Variants in FRMD5 observed in about 807,000 individuals in gnomAD.
FRMD5 encodes FERM domain-containing protein 5.
A neutral mutation model predicts 69.0 loss-of-function variants in FRMD5; 20 were observed. The ratio of observed to expected loss-of-function variants is 0.29; its 90% CI spans 0.20 to 0.42. The LOEUF (loss-of-function observed/expected upper bound fraction) is 0.42, where lower values mean the gene tolerates loss of function less well. FRMD5 is among the 10% of genes least tolerant of loss of function. FRMD5 has a pLI of 1.00. For missense variants in FRMD5, 595 were observed against 708.6 expected (o/e 0.84, Z 1.82); for synonymous variants, 271 against 260.1 (o/e 1.04, Z -0.40).
chr15:43,876,369 T>C, intron 13 of FRMD5: 5 of 784,244 alleles, frequency 6.4e-6, no homozygotes, highest in Non-Finnish European at 1.1e-5. Flanking sequence ...AGTCTGCCTG[T>C]TGGGTGGAGG....
chr15:44,125,610 G>A (rs541372747), intron 1 of FRMD5, among the ~76,000 whole-genome samples: 135 of 152,310 alleles, frequency 8.9e-4, no homozygotes, highest in Admixed American at 4.4e-3. Context: ...CATGAGACGG[G>A]TGGCCTGATG....
intron 1 of FRMD5, chr15:43,989,529 C>T: frequency 3.3e-6 from 3 of 900,212 alleles, no homozygotes; most frequent in Non-Finnish European, 5.6e-6. Context: ...TCCAGGGTGA[C>T]ATAGCACAGC....
At chr15:44,036,640 A>G (rs780846822) in intron 1 of FRMD5, among the ~76,000 whole-genome samples, 21 of 152,266 alleles carry the variant, frequency 1.4e-4, no homozygotes, top group Non-Finnish European at 3.1e-4. Context: ...CACTTAGAAC[A>G]AAAATCAAAC....
intron 1 of FRMD5, among the ~76,000 whole-genome samples, chr15:44,178,087 G>A (rs1318022394): frequency 1.3e-5 from 2 of 152,136 alleles, no homozygotes; most frequent in Non-Finnish European, 2.9e-5. Flanking sequence ...ACTTTGGGAG[G>A]CTGAGGCGGG....
At chr15:43,965,945 C>T (rs1362826261) in intron 1 of FRMD5, among the ~76,000 whole-genome samples, 1 of 152,072 alleles carries the variant, frequency 6.6e-6, no homozygotes, top group Non-Finnish European at 1.5e-5. Flanking sequence ...CTAAGTATGG[C>T]TATCAGGAAC....
chr15:43,936,556 T>C (rs534629875), intron 1 of FRMD5, among the ~76,000 whole-genome samples: 2 of 152,112 alleles, frequency 1.3e-5, no homozygotes, highest in Non-Finnish European at 2.9e-5. Flanking sequence ...GAGCTCCTCC[T>C]TCCTGAGTCT....
intron 1 of FRMD5, chr15:43,990,204 T>C (rs1254475919): frequency 2.2e-6 from 1 of 462,570 alleles, no homozygotes; most frequent in African/African-American, 2.0e-5. Flanking sequence ...GCGGCGGGTG[T>C]GGACGGGTGG....
chr15:44,195,668 G>GTGCTGGATCACAGTCCCTGCACC (rs576390004), upstream of FRMD5, among the ~76,000 whole-genome samples: 306 of 152,354 alleles, frequency 2.0e-3, 10 homozygotes, highest in East Asian at 0.05. Context: ...AGGCGGCAGG[G>GTGCTGGATCACAGTCCCTGCACC]TGCTGGATCA....
intron 1 of FRMD5, among the ~76,000 whole-genome samples, chr15:44,139,526 C>A (rs1456531006): frequency 6.6e-6 from 1 of 151,432 alleles, no homozygotes; most frequent in Non-Finnish European, 1.5e-5. Flanking sequence ...CAGGAAGGTG[C>A]AAAAGAAAGC....
intron 1 of FRMD5, among the ~76,000 whole-genome samples, chr15:44,117,502 C>T (rs961257844): frequency 6.6e-6 from 1 of 152,076 alleles, no homozygotes; most frequent in Non-Finnish European, 1.5e-5. Context: ...TGAGCATTTT[C>T]GGGGTTTCTG....
chr15:43,977,200 G>A (rs1303268258), intron 1 of FRMD5, among the ~76,000 whole-genome samples: 1 of 152,084 alleles, frequency 6.6e-6, no homozygotes, highest in Non-Finnish European at 1.5e-5. Flanking sequence ...CAGGGGGCTG[G>A]GGAAGGATGT....
At chr15:44,009,432 C>T (rs1028708988) in intron 1 of FRMD5, among the ~76,000 whole-genome samples, 5 of 152,226 alleles carry the variant, frequency 3.3e-5, no homozygotes, top group African/African-American at 1.2e-4. Context: ...CTAATCCCAG[C>T]ACTTTGGGAG....
rs1389023355 is a variant in FRMD5, at chr15:43,887,768, C to T, written c.884+407G>A. Among the ~76,000 whole-genome samples the T allele has an allele frequency of 7.2e-5, 11 of 152,248 alleles. No individual in the cohort carries two copies. The East Asian group carries it at 1.7e-3, about 24-fold the overall frequency. On this transcript the variant is annotated intron_variant, in intron 10 of 13. Transcript: ENST00000417257. ...AGGGGCATTTGGTGAGAGCAGGGCT[C>T]ACCCCAGGTAGAATATACCACACTC...
intron 1 of FRMD5, among the ~76,000 whole-genome samples, chr15:44,002,344 C>T (rs1450242487): frequency 6.6e-6 from 1 of 152,094 alleles, no homozygotes; most frequent in Non-Finnish European, 1.5e-5. Flanking sequence ...TTCTGTATCT[C>T]AATGTTAAAA....
intron 1 of FRMD5, among the ~76,000 whole-genome samples, chr15:44,065,912 A>C (rs1893290941): frequency 6.6e-6 from 1 of 152,348 alleles, no homozygotes; most frequent in African/African-American, 2.4e-5. Flanking sequence ...AGTTTGTCAG[A>C]TAAGGTGACT....
chr15:43,964,579 T>A (rs148404827), intron 1 of FRMD5, among the ~76,000 whole-genome samples: 2,106 of 152,270 alleles, frequency 0.014, 85 homozygotes, highest in Admixed American at 0.08. Flanking sequence ...GGCTTTTTTT[T>A]AATTTTGGCA....
chr15:43,923,349 G>A (rs1359587316), intron 2 of FRMD5, among the ~76,000 whole-genome samples: 1 of 152,214 alleles, frequency 6.6e-6, no homozygotes, highest in Non-Finnish European at 1.5e-5. Flanking sequence ...TAACAGGGTA[G>A]CAGAGGGCAC....
rs375532793 is a variant in FRMD5 at position 43,885,639 on chromosome 15, C to T, written c.959+42G>A. 29 of 1,527,832 alleles carry T rather than the reference C, an allele frequency of 1.9e-5. No homozygotes were observed. In the African/African-American group the frequency reaches 3.8e-4, roughly 20 times the overall value. The allele number at this position is 1,527,832 out of a possible 1,614,324, so 94.6% of individuals were successfully genotyped here. ...ACCACTGAGTTCTCCAGAGAAGGGT[C>T]TGAAAATAGATCCATAATGGTTACT... On this transcript the variant is annotated intron_variant, in intron 11 of 13. Coordinates refer to ENST00000417257, the MANE Select transcript of FRMD5 (RefSeq NM_032892.5).
At chr15:43,913,434 C>T (rs954790677) in intron 4 of FRMD5, among the ~76,000 whole-genome samples, 1 of 152,244 alleles carries the variant, frequency 6.6e-6, no homozygotes, top group South Asian at 2.1e-4. Flanking sequence ...TGCACCAGGG[C>T]TCCCCCTCCC....
Sources: gnomAD v4.1 joint callset for allele counts (sites outside exome capture counted in the v4.1 genomes callset) on GRCh38, gnomAD v4.1.1 for gene constraint, MANE v1.5 for transcripts, NCBI Gene and HGNC (gene_info 2026-07-23, HGNC 2026-07-21) for gene names.